Variants in NAALADL2 observed in about 807,000 individuals in gnomAD.
The protein encoded by NAALADL2 is N-acetylated alpha-linked acidic dipeptidase like 2, also known as inactive N-acetylated-alpha-linked acidic dipeptidase-like protein 2.
In NAALADL2, 76 loss-of-function variants were observed where a neutral mutation model predicts 87.2. That is an observed-to-expected ratio of 0.87 (90% confidence interval 0.72 to 1.05). NAALADL2 has a LOEUF of 1.05. Among genes scored for constraint, NAALADL2 ranks in the 50% least tolerant of loss-of-function variants. The probability of loss-of-function intolerance (pLI) is 0.00; values close to 1 mark genes in which losing one functional copy is unlikely to be tolerated. For synonymous variants in NAALADL2, 354 were observed against 331.0 expected (o/e 1.07, Z -0.75); for missense variants, 1,089 against 945.8 (o/e 1.15, Z -1.99).
chr3:175,392,464 T>C (rs1448524571), intron 5 of NAALADL2, among the ~76,000 whole-genome samples: 4 of 152,190 alleles, frequency 2.6e-5, no homozygotes, highest in Admixed American at 2.0e-4. Context: ...TCATAGCTCT[T>C]CCTCCCTTTC....
At chr3:174,825,870 AC>A (rs1468537861) in intron 3 of NAALADL2, among the ~76,000 whole-genome samples, 2 of 151,660 alleles carry the variant, frequency 1.3e-5, no homozygotes, top group Non-Finnish European at 2.9e-5. Context: ...TACTAAAAAC[AC>A]AAAAAATTAG....
intron 3 of NAALADL2, among the ~76,000 whole-genome samples, chr3:174,787,584 T>TGTATATATATATAC (rs1560225453): frequency 0.045 from 2,674 of 59,094 alleles, 410 homozygotes; most frequent in African/African-American, 0.091. Flanking sequence ...ATCATATATA[T>TGTATATATATATAC]ATATATATAT....
chr3:175,084,200 C>T (rs11915175), intron 1 of NAALADL2, among the ~76,000 whole-genome samples: 34,856 of 151,910 alleles, frequency 0.23, 4,082 homozygotes, highest in East Asian at 0.32. Context: ...TAAAAAGCTA[C>T]CCCCCAAATT....
chr3:175,663,966 A>T (rs1732624709), intron 11 of NAALADL2, among the ~76,000 whole-genome samples: 1 of 152,046 alleles, frequency 6.6e-6, no homozygotes, highest in Non-Finnish European at 1.5e-5. Context: ...TTGAGACAAG[A>T]TTCTTCACCA....
intron 3 of NAALADL2, among the ~76,000 whole-genome samples, chr3:174,756,179 T>C (rs1712047166): frequency 6.6e-6 from 1 of 152,240 alleles, no homozygotes; most frequent in African/African-American, 2.4e-5. Context: ...ATTATAGCTT[T>C]CTTGTTCTAA....
chr3:175,329,203 CCT>C (rs2110481733), intron 5 of NAALADL2, among the ~76,000 whole-genome samples: 1 of 152,198 alleles, frequency 6.6e-6, no homozygotes, highest in East Asian at 1.9e-4. Context: ...TATCTATGTC[CCT>C]CTCTCTGTCT....
At chr3:174,560,825 GCTGTT>G (rs1325624190) in intron 2 of NAALADL2, among the ~76,000 whole-genome samples, 1 of 152,040 alleles carries the variant, frequency 6.6e-6, no homozygotes, top group Non-Finnish European at 1.5e-5. Context: ...GCTTTCAGGT[GCTGTT>G]CTGGTCTAGA....
chr3:175,074,081 C>T (rs1191607666), intron 1 of NAALADL2, among the ~76,000 whole-genome samples: 1 of 152,036 alleles, frequency 6.6e-6, no homozygotes, highest in Non-Finnish European at 1.5e-5. Flanking sequence ...TACTGTTCTA[C>T]TCCCTATGTC....
intron 2 of NAALADL2, among the ~76,000 whole-genome samples, chr3:174,608,099 A>G (rs1183025759): frequency 1.3e-5 from 2 of 152,088 alleles, no homozygotes; most frequent in Non-Finnish European, 2.9e-5. Context: ...GCAGAAATAA[A>G]GATGTTCTTT....
intron 2 of NAALADL2, among the ~76,000 whole-genome samples, chr3:175,127,443 T>G (rs1408814317): frequency 6.6e-6 from 1 of 152,272 alleles, no homozygotes; most frequent in East Asian, 1.9e-4. Flanking sequence ...CCTTTGGGCA[T>G]CATAAACTAT....
At chr3:175,740,286 T>C (rs900680374) in intron 12 of NAALADL2, among the ~76,000 whole-genome samples, 2 of 152,174 alleles carry the variant, frequency 1.3e-5, no homozygotes, top group Admixed American at 6.5e-5. Context: ...TTGGTGATCT[T>C]AACAAACAAA....
rs532043087 is a variant in NAALADL2, at chr3:175,597,137, C to T, written c.1800+20950C>T. Among the ~76,000 whole-genome samples, 57 of 152,072 alleles carry T rather than the reference C, an allele frequency of 3.7e-4. 1 individual carries two copies. The highest frequency in any genetic ancestry group is 3.4e-3 in the Middle Eastern group (1 of 294). On this transcript the variant is annotated intron_variant, in intron 10 of 13. Coordinates refer to ENST00000454872, the MANE Select transcript of NAALADL2 (RefSeq NM_207015.3). The stretch of plus-strand genomic sequence containing the variant: ...ACTTTCAACTCTTATTAGCACTTTT[C>T]AAAGCAAGTTTTCCATCTCTGTGAA...
At chr3:175,078,322 C>T (rs575491846) in intron 1 of NAALADL2, among the ~76,000 whole-genome samples, 336 of 152,148 alleles carry the variant, frequency 2.2e-3, no homozygotes, top group Non-Finnish European at 3.7e-3. Context: ...CCACTGCACA[C>T]AGCCAAATGA....
intron 2 of NAALADL2, among the ~76,000 whole-genome samples, chr3:174,666,271 A>G (rs41441950): frequency 0.013 from 2,041 of 152,328 alleles, 45 homozygotes; most frequent in African/African-American, 0.047. Flanking sequence ...TGCAGTAATC[A>G]TAAATGTACT....
chr3:174,765,512 A>G (rs143450966), intron 3 of NAALADL2, among the ~76,000 whole-genome samples: 175 of 152,230 alleles, frequency 1.1e-3, no homozygotes, highest in Non-Finnish European at 2.2e-3. Context: ...CCAGTTTTCA[A>G]AAACTTGCCA....
chr3:175,264,857 A>G (rs950262230), intron 4 of NAALADL2, among the ~76,000 whole-genome samples: 5 of 151,692 alleles, frequency 3.3e-5, no homozygotes, highest in African/African-American at 1.2e-4. Context: ...GAATAGTTTT[A>G]TTCTAATACA....
intron 10 of NAALADL2, among the ~76,000 whole-genome samples, chr3:175,610,605 A>G (rs1001672759): frequency 6.6e-6 from 1 of 152,092 alleles, no homozygotes; most frequent in African/African-American, 2.4e-5. Flanking sequence ...ATTCTATCAA[A>G]TATTCTGGAC....
intron 2 of NAALADL2, among the ~76,000 whole-genome samples, chr3:175,143,918 A>G (rs948266687): frequency 6.6e-6 from 1 of 151,970 alleles, no homozygotes; most frequent in Non-Finnish European, 1.5e-5. Context: ...GGCTTGCTGT[A>G]TGCAATACAT....
At chr3:174,830,661 G>T (rs1412022599) in intron 3 of NAALADL2, among the ~76,000 whole-genome samples, 1 of 152,152 alleles carries the variant, frequency 6.6e-6, no homozygotes, top group Non-Finnish European at 1.5e-5. Context: ...TTGGTAGCTT[G>T]ATGGGGATGG....
Sources: allele counts gnomAD v4.1 joint callset (sites outside exome capture counted in the v4.1 genomes callset), GRCh38; gene constraint gnomAD v4.1.1; transcripts MANE v1.5; gene names NCBI Gene and HGNC (gene_info 2026-07-23, HGNC 2026-07-21).